Variants in DNAJC5B observed in about 807,000 individuals in gnomAD.
The protein encoded by DNAJC5B is dnaJ homolog subfamily C member 5B.
DNAJC5B carries 23 observed loss-of-function variants against 24.7 expected under a neutral mutation model. That is an observed-to-expected ratio of 0.93 (90% CI 0.67 to 1.32). The LOEUF (loss-of-function observed/expected upper bound fraction) is 1.32, where lower values mean the gene tolerates loss of function less well. DNAJC5B is among the 40% of genes most tolerant of loss of function. DNAJC5B has a pLI of 0.00. For synonymous variants in DNAJC5B, 101 were observed against 90.1 expected (o/e 1.12, Z -0.68); for missense variants, 238 against 240.8 (o/e 0.99, Z 0.08).
At chr8:66,016,791 C>G (rs76110029), upstream of DNAJC5B, among the ~76,000 whole-genome samples, 7,847 of 152,190 alleles carry the variant, frequency 0.052, 270 homozygotes, top group African/African-American at 0.092. Context: ...GGAGAAGAGA[C>G]AGATTTCTAT....
chr8:66,035,341 C>T (rs1312619774), intron 1 of DNAJC5B, among the ~76,000 whole-genome samples: 2 of 152,166 alleles, frequency 1.3e-5, no homozygotes, highest in East Asian at 3.8e-4. Context: ...CTCTGGTGCC[C>T]GTGGATGTGG....
At chr8:66,092,894 T>G (rs1030351355) in intron 5 of DNAJC5B, among the ~76,000 whole-genome samples, 1 of 152,116 alleles carries the variant, frequency 6.6e-6, no homozygotes, top group Non-Finnish European at 1.5e-5. Context: ...GACGCTGAAG[T>G]GTGGGGTACA....
rs560190020 is a variant in DNAJC5B, at chr8:66,031,624, C to A, written c.-142+9919C>A. Among the ~76,000 whole-genome samples the A allele has an allele frequency of 3.3e-5, 5 of 152,292 alleles. No homozygotes were observed. The East Asian group carries it at 7.7e-4, about 23-fold the overall frequency. On this transcript the variant is annotated intron_variant, in intron 1 of 5. Transcript: ENST00000276570. ...GACAAGTCCCAGGATCTGCACTCAG[C>A]ATGCCTGAGACCCAGGAAGAGCCAA...
chr8:66,098,248 G>T (rs892373998), intron 5 of DNAJC5B, among the ~76,000 whole-genome samples: 4 of 152,026 alleles, frequency 2.6e-5, no homozygotes, highest in Non-Finnish European at 5.9e-5. Flanking sequence ...CTGTCACCAG[G>T]CTGGAGTGCA....
At chr8:66,094,037 T>C (rs1807900505) in intron 5 of DNAJC5B, among the ~76,000 whole-genome samples, 1 of 152,168 alleles carries the variant, frequency 6.6e-6, no homozygotes, top group African/African-American at 2.4e-5. Context: ...CTTTCTGTTC[T>C]AGTCCGTTGG....
intron 5 of DNAJC5B, among the ~76,000 whole-genome samples, chr8:66,082,301 C>CCTAGGATACCTAGGTTCAAT (rs1807613709): frequency 6.6e-6 from 1 of 151,866 alleles, no homozygotes; most frequent in African/African-American, 2.4e-5. Context: ...CTAGGTATCC[C>CCTAGGATACCTAGGTTCAAT]CTAGGATACC....
At chr8:66,053,899 G>A (rs1262006206) in intron 3 of DNAJC5B, among the ~76,000 whole-genome samples, 2 of 150,322 alleles carry the variant, frequency 1.3e-5, no homozygotes, top group African/African-American at 2.4e-5. Flanking sequence ...AAAGTGCTGG[G>A]ATTACAGGCG....
intron 4 of DNAJC5B, among the ~76,000 whole-genome samples, chr8:66,079,782 G>A (rs1451313040): frequency 6.6e-6 from 1 of 152,146 alleles, no homozygotes; most frequent in African/African-American, 2.4e-5. Context: ...AGGCAGGGAG[G>A]CCAGTTGCGA....
chr8:66,049,636 C>T (rs939268192), intron 2 of DNAJC5B, among the ~76,000 whole-genome samples: 2 of 152,162 alleles, frequency 1.3e-5, no homozygotes. Flanking sequence ...ATGCATTTCT[C>T]GGAACATAGC....
chr8:66,072,248 C>A lies in DNAJC5B; in HGVS notation c.120-4412C>A, dbSNP rs188556674. ...ATAACAGTTATAAGTTTATGGGCTT[C>A]TAAAACACATGGCCTAAAATATACA... On this transcript the variant is annotated intron_variant, in intron 3 of 5. Coordinates refer to ENST00000276570, the MANE Select transcript of DNAJC5B (RefSeq NM_033105.6). Among the ~76,000 whole-genome samples the A allele has an allele frequency of 5.6e-4, 85 of 152,144 alleles. No individual in the cohort carries two copies. In the Middle Eastern group the frequency reaches 0.017, roughly 30 times the overall value.
At chr8:66,094,827 AT>A (rs1303943510) in intron 5 of DNAJC5B, among the ~76,000 whole-genome samples, 2 of 151,656 alleles carry the variant, frequency 1.3e-5, no homozygotes, top group Non-Finnish European at 2.9e-5. Flanking sequence ...CGGATGTAAA[AT>A]TTTTTCAAAT....
At position 66,095,909 on chromosome 8, in the gene DNAJC5B, G is replaced by T. The variant is rs138748497; in HGVS notation, c.506-4028G>T. 1.8e-3 allele frequency among the ~76,000 whole-genome samples: 280 copies of T among 152,238 alleles called. 2 individuals are homozygous for T. Among genetic ancestry groups the T allele is most frequent in the African/African-American group, 6.6e-3 (273 of 41,554 alleles). On this transcript the variant is annotated intron_variant, in intron 5 of 5. Transcript: ENST00000276570. ...GCTTTGAAATGTCTTAGGACTTGCT[G>T]TACAGCCTGGAACTTAGCCAGTTTT...
intron 3 of DNAJC5B, 150 bp from the exon 4 acceptor site, chr8:66,076,510 T>A (rs552100362): frequency 1.3e-6 from 1 of 790,704 alleles, no homozygotes; most frequent in African/African-American, 1.7e-5. Context: ...TTAGTGAAAA[T>A]GTACTTGTTA....
intron 5 of DNAJC5B, among the ~76,000 whole-genome samples, chr8:66,086,262 C>G (rs1375698123): frequency 6.6e-6 from 1 of 152,160 alleles, no homozygotes; most frequent in Non-Finnish European, 1.5e-5. Flanking sequence ...CCATTCCAAT[C>G]TGTATTCCTT....
chr8:66,076,956 C>A, intron 4 of DNAJC5B, 83 bp downstream of exon 4: 1 of 1,412,696 alleles, frequency 7.1e-7, no homozygotes, highest in Non-Finnish European at 9.9e-7. Context: ...CAAAGGAAGT[C>A]TAACCTTCCT....
intron 1 of DNAJC5B, among the ~76,000 whole-genome samples, chr8:66,024,421 T>TTA (rs1234122222): frequency 1.6e-5 from 2 of 124,664 alleles, no homozygotes; most frequent in Non-Finnish European, 3.2e-5. Context: ...TTTTTTTTTT[T>TTA]AATGTTTTTT....
intron 3 of DNAJC5B, 89 bp downstream of exon 3, chr8:66,051,755 C>T: frequency 6.2e-6 from 6 of 965,726 alleles, no homozygotes; most frequent in Non-Finnish European, 9.6e-6. Context: ...AAGCTTCTCA[C>T]TAAGACCAGT....
At chr8:66,035,352 C>T (rs765011021) in intron 1 of DNAJC5B, among the ~76,000 whole-genome samples, 2 of 152,152 alleles carry the variant, frequency 1.3e-5, no homozygotes, top group African/African-American at 2.4e-5. Flanking sequence ...GTGGATGTGG[C>T]CTTATTTCAA....
chr8:66,060,836 G>A (rs58195552), intron 3 of DNAJC5B, among the ~76,000 whole-genome samples: 10,387 of 152,220 alleles, frequency 0.068, 513 homozygotes, highest in African/African-American at 0.14. Flanking sequence ...ATTGAGCACC[G>A]CCTCTGTGTT....
Sources: allele counts gnomAD v4.1 joint callset (sites outside exome capture counted in the v4.1 genomes callset), GRCh38; gene constraint gnomAD v4.1.1; transcripts MANE v1.5; gene names NCBI Gene and HGNC (gene_info 2026-07-23, HGNC 2026-07-21).